MARCHF4: variants seen among roughly 807,000 people sequenced by gnomAD.
MARCHF4 encodes E3 ubiquitin-protein ligase MARCHF4.
Under a neutral mutation model 43.9 loss-of-function variants are expected in MARCHF4, and 14 were observed. That is an observed-to-expected ratio of 0.32 (90% CI 0.21 to 0.50). MARCHF4 has a LOEUF of 0.50. Among genes scored for constraint, MARCHF4 ranks in the 20% least tolerant of loss-of-function variants. MARCHF4 has a pLI of 0.98. For missense variants in MARCHF4, 468 were observed against 536.7 expected (o/e 0.87, Z 1.27); for synonymous variants, 226 against 213.3 (o/e 1.06, Z -0.52).
At chr2:216,261,928 A>AG (rs1158841632) in intron 3 of MARCHF4, among the ~76,000 whole-genome samples, 1 of 152,218 alleles carries the variant, frequency 6.6e-6, no homozygotes, top group Non-Finnish European at 1.5e-5. Flanking sequence ...AGCCTAGGGA[A>AG]GGATTCAGAA....
intron 1 of MARCHF4, 93 bp from the exon 2 acceptor site, chr2:216,283,822 G>A (rs1691174792): frequency 4.4e-6 from 6 of 1,378,670 alleles, no homozygotes; most frequent in Non-Finnish European, 4.9e-6. Flanking sequence ...AGCCTGGTTT[G>A]AGCCACCCAA....
chr2:216,294,310 T>C (rs1469966718), intron 1 of MARCHF4, among the ~76,000 whole-genome samples: 1 of 152,276 alleles, frequency 6.6e-6, no homozygotes, highest in Non-Finnish European at 1.5e-5. Flanking sequence ...AAAACCCTCA[T>C]GGTGTTCTTT....
chr2:216,321,120 G>A (rs893524280), intron 1 of MARCHF4, among the ~76,000 whole-genome samples: 2 of 152,006 alleles, frequency 1.3e-5, no homozygotes, highest in African/African-American at 2.4e-5. Flanking sequence ...TTTTAGCCCA[G>A]AAAATAGGCT....
chr2:216,302,790 T>G (rs1168587169), intron 1 of MARCHF4, among the ~76,000 whole-genome samples: 1 of 149,876 alleles, frequency 6.7e-6, no homozygotes, highest in Non-Finnish European at 1.5e-5. Flanking sequence ...CACAGTTACT[T>G]GAGAGGCTGT....
Position 216,259,137 on chromosome 2 carries a change from TAGC to T in MARCHF4, c.*172_*174del. Reference sequence around the variant, plus strand: ...GAGAGTGGCATTGACTGATTGGAAATAGCAGAACTGCTCCTGCACCAGCCTCAC... The same window carrying T: ...GAGAGTGGCATTGACTGATTGGAAATAGAACTGCTCCTGCACCAGCCTCAC... On this transcript the variant is annotated 3_prime_UTR_variant, in exon 4 of 4. Coordinates refer to ENST00000273067, the MANE Select transcript of MARCHF4 (RefSeq NM_020814.3). 1 of 821,858 alleles carries T rather than the reference TAGC, an allele frequency of 1.2e-6. No homozygotes were observed. Among genetic ancestry groups the T allele is most frequent in the Non-Finnish European group, 1.8e-6 (1 of 546,832 alleles). 50.9% of individuals were successfully genotyped at this position (821,858 alleles called of 1,614,324 possible). A position where few individuals can be genotyped will look rare whatever the true frequency, so the allele number is the denominator to read the frequency against.
intron 1 of MARCHF4, among the ~76,000 whole-genome samples, chr2:216,305,838 G>A (rs1425623386): frequency 1.3e-5 from 2 of 152,230 alleles, no homozygotes; most frequent in Admixed American, 6.5e-5. Context: ...TCAGCCCGTC[G>A]GAGGAATGAC....
chr2:216,270,058 A>C (rs1690908345), intron 3 of MARCHF4, among the ~76,000 whole-genome samples: 1 of 151,176 alleles, frequency 6.6e-6, no homozygotes, highest in African/African-American at 2.4e-5. Flanking sequence ...AATTGCCTAC[A>C]GAAATCTAGG....
At chr2:216,320,760 T>A (rs539292420) in intron 1 of MARCHF4, among the ~76,000 whole-genome samples, 17 of 148,850 alleles carry the variant, frequency 1.1e-4, no homozygotes, top group African/African-American at 4.2e-4. Flanking sequence ...AACCTCTGCC[T>A]CCCAGGTTCA....
intron 1 of MARCHF4, among the ~76,000 whole-genome samples, chr2:216,328,659 A>G (rs1195658850): frequency 6.6e-6 from 1 of 152,250 alleles, no homozygotes; most frequent in African/African-American, 2.4e-5. Flanking sequence ...CTCAAAGAGT[A>G]AATCTGGTAT....
At chr2:216,307,498 T>C (rs1435964411) in intron 1 of MARCHF4, among the ~76,000 whole-genome samples, 1 of 151,614 alleles carries the variant, frequency 6.6e-6, no homozygotes, top group Non-Finnish European at 1.5e-5. Flanking sequence ...GGGTAACTGG[T>C]GGGAGGGGTA....
intron 1 of MARCHF4, among the ~76,000 whole-genome samples, chr2:216,314,374 A>G (rs1574473260): frequency 6.7e-6 from 1 of 149,140 alleles, no homozygotes; most frequent in East Asian, 2.0e-4. Flanking sequence ...CCCAGGCTGG[A>G]GTGCAGTGGT....
At chr2:216,276,313 G>C (rs1445150764) in intron 3 of MARCHF4, among the ~76,000 whole-genome samples, 2 of 151,742 alleles carry the variant, frequency 1.3e-5, no homozygotes, top group African/African-American at 4.9e-5. Flanking sequence ...GCAGGAGTAG[G>C]AAGGGAGTTT....
At chr2:216,354,927 C>A (rs564118592) in intron 1 of MARCHF4, among the ~76,000 whole-genome samples, 1 of 127,464 alleles carries the variant, frequency 7.8e-6, no homozygotes, top group Non-Finnish European at 1.6e-5. Context: ...TTCTTTCTTT[C>A]TTTCTTTCTT....
chr2:216,335,673 C>T (rs1450337091), intron 1 of MARCHF4, among the ~76,000 whole-genome samples: 1 of 152,082 alleles, frequency 6.6e-6, no homozygotes, highest in Non-Finnish European at 1.5e-5. Flanking sequence ...AAAAAGAGTA[C>T]AGAAATCTAG....
chr2:216,289,209 C>T (rs1475170377), intron 1 of MARCHF4, among the ~76,000 whole-genome samples: 3 of 150,736 alleles, frequency 2.0e-5, no homozygotes, highest in Non-Finnish European at 4.4e-5. Context: ...CACTGAAGTT[C>T]TTTTGCCCTT....
At chr2:216,340,696 G>A (rs978083374) in intron 1 of MARCHF4, among the ~76,000 whole-genome samples, 5 of 152,228 alleles carry the variant, frequency 3.3e-5, no homozygotes, top group Admixed American at 2.6e-4. Flanking sequence ...TACCCTTGAG[G>A]ATGAGCTCCT....
intron 1 of MARCHF4, among the ~76,000 whole-genome samples, chr2:216,318,850 CT>C (rs1330853311): frequency 6.6e-6 from 1 of 152,024 alleles, no homozygotes; most frequent in Non-Finnish European, 1.5e-5. Context: ...AAAGCTACTT[CT>C]TTAGGGGATT....
intron 3 of MARCHF4, among the ~76,000 whole-genome samples, chr2:216,272,223 T>C (rs895662508): frequency 6.6e-6 from 1 of 152,152 alleles, no homozygotes; most frequent in African/African-American, 2.4e-5. Context: ...TTAGCTTCTC[T>C]CACCTGAAGA....
intron 1 of MARCHF4, among the ~76,000 whole-genome samples, chr2:216,335,395 A>G (rs1692141691): frequency 1.3e-5 from 2 of 152,232 alleles, no homozygotes; most frequent in Non-Finnish European, 2.9e-5. Context: ...TTTACAGGAG[A>G]AATGATAAAA....
Sources: allele counts gnomAD v4.1 joint callset (sites outside exome capture counted in the v4.1 genomes callset), GRCh38; gene constraint gnomAD v4.1.1; transcripts MANE v1.5; gene names NCBI Gene and HGNC (gene_info 2026-07-23, HGNC 2026-07-21).